CLYBL: variants seen among roughly 807,000 people sequenced by gnomAD.
CLYBL encodes the protein citramalyl-CoA lyase.
In CLYBL, 31 loss-of-function variants were observed where a neutral mutation model predicts 38.9. That is an observed-to-expected ratio of 0.80 (90% CI 0.60 to 1.08). The LOEUF (loss-of-function observed/expected upper bound fraction) is 1.08, where lower values mean the gene tolerates loss of function less well. Among genes scored for constraint, CLYBL ranks in the 50% least tolerant of loss-of-function variants. The pLI, the probability that CLYBL is intolerant of heterozygous loss-of-function variation, is 0.00. For synonymous variants in CLYBL, 171 were observed against 158.6 expected (o/e 1.08, Z -0.59); for missense variants, 434 against 411.6 (o/e 1.05, Z -0.47).
At chr13:99,669,761 G>A (rs1384380519) in intron 1 of CLYBL, among the ~76,000 whole-genome samples, 1 of 152,220 alleles carries the variant, frequency 6.6e-6, no homozygotes, top group African/African-American at 2.4e-5. Flanking sequence ...CTCATGATTA[G>A]TGACAGGGTT....
At chr13:99,837,747 C>T (rs1008687264) in intron 2 of CLYBL, among the ~76,000 whole-genome samples, 1 of 152,144 alleles carries the variant, frequency 6.6e-6, no homozygotes, top group East Asian at 1.9e-4. Flanking sequence ...TGTGCACCAG[C>T]GCAGCAGCTT....
chr13:99,834,749 A>C (rs1460257594), intron 2 of CLYBL, among the ~76,000 whole-genome samples: 1 of 152,174 alleles, frequency 6.6e-6, no homozygotes, highest in East Asian at 1.9e-4. Flanking sequence ...TCTATGGCCC[A>C]GTATTAAAAG....
At chr13:99,691,327 A>G (rs980060637) in intron 1 of CLYBL, among the ~76,000 whole-genome samples, 1 of 152,204 alleles carries the variant, frequency 6.6e-6, no homozygotes, top group African/African-American at 2.4e-5. Context: ...TAAATTAGTT[A>G]CAAACTAATT....
intron 1 of CLYBL, among the ~76,000 whole-genome samples, chr13:99,659,721 C>T (rs1174992984): frequency 1.1e-4 from 17 of 152,056 alleles, no homozygotes; most frequent in Admixed American, 1.1e-3. Context: ...TTTTATTTTC[C>T]CATCATAAGG....
At chr13:99,883,405 G>C (rs1241162420) in intron 7 of CLYBL, among the ~76,000 whole-genome samples, 2 of 151,738 alleles carry the variant, frequency 1.3e-5, no homozygotes, top group Non-Finnish European at 2.9e-5. Flanking sequence ...TGAAATCCCA[G>C]CTACTCAGGA....
At chr13:99,626,729 TTTG>T (rs1333997163) in intron 1 of CLYBL, among the ~76,000 whole-genome samples, 1 of 152,160 alleles carries the variant, frequency 6.6e-6, no homozygotes, top group Non-Finnish European at 1.5e-5. Flanking sequence ...CTGCAGTTAA[TTTG>T]TTAAGAGACC....
At chr13:99,817,697 A>G (rs2050487905) in intron 2 of CLYBL, among the ~76,000 whole-genome samples, 1 of 150,824 alleles carries the variant, frequency 6.6e-6, no homozygotes, top group Non-Finnish European at 1.5e-5. Flanking sequence ...AAAAGCACTG[A>G]GCTAAAGTAA....
rs2046908523 is a variant in CLYBL at position 99,629,077 on chromosome 13, A to G, written c.62+22320A>G. Among the ~76,000 whole-genome samples, 4 of 152,350 alleles carry G rather than the reference A, an allele frequency of 2.6e-5. No homozygotes were observed. In the South Asian group the frequency reaches 8.3e-4, roughly 32 times the overall value. ...CACTGCTGGGGCAGGCGTGTGTGAC[A>G]GGCAGAGAGAGCCCTGGGGTTGGGG... is the stretch of plus-strand genomic sequence containing the variant. On this transcript the variant is annotated intron_variant, in intron 1 of 8. Transcript: ENST00000339105.
intron 1 of CLYBL, among the ~76,000 whole-genome samples, chr13:99,747,763 G>A (rs1004909543): frequency 6.6e-6 from 1 of 152,156 alleles, no homozygotes; most frequent in Non-Finnish European, 1.5e-5. Flanking sequence ...CTTCTGGTCC[G>A]TGTTTGTACA....
chr13:99,898,056 G>A (rs114852325), downstream of CLYBL, among the ~76,000 whole-genome samples: 242 of 152,260 alleles, frequency 1.6e-3, no homozygotes, highest in African/African-American at 5.5e-3. Flanking sequence ...GAGTTGATAC[G>A]CTGAAAACTC....
At chr13:99,730,911 C>T (rs2048578123) in intron 1 of CLYBL, among the ~76,000 whole-genome samples, 1 of 151,572 alleles carries the variant, frequency 6.6e-6, no homozygotes, top group African/African-American at 2.4e-5. Context: ...GGTGAAACCC[C>T]TTCTCTACTA....
intron 7 of CLYBL, among the ~76,000 whole-genome samples, chr13:99,879,397 A>C (rs1236907984): frequency 6.6e-6 from 1 of 152,176 alleles, no homozygotes; most frequent in African/African-American, 2.4e-5. Flanking sequence ...CATCTTTGCT[A>C]CACCTCTTCC....
At chr13:99,870,406 C>G (rs1358415171) in intron 6 of CLYBL, among the ~76,000 whole-genome samples, 1 of 152,088 alleles carries the variant, frequency 6.6e-6, no homozygotes, top group Middle Eastern at 3.2e-3. Flanking sequence ...TATTGTAAAG[C>G]TGTATTTGAT....
At chr13:99,712,565 C>G (rs1204091932) in intron 1 of CLYBL, among the ~76,000 whole-genome samples, 2 of 151,758 alleles carry the variant, frequency 1.3e-5, no homozygotes, top group East Asian at 3.9e-4. Flanking sequence ...CCAGGTTGGT[C>G]TCCAAGTCTG....
chr13:99,695,807 C>T (rs182743737), intron 1 of CLYBL, among the ~76,000 whole-genome samples: 3 of 152,214 alleles, frequency 2.0e-5, no homozygotes, highest in Admixed American at 6.5e-5. Flanking sequence ...AATGAGCCAC[C>T]GTCCCCAGTG....
intron 2 of CLYBL, among the ~76,000 whole-genome samples, chr13:99,858,328 C>T (rs2051509308): frequency 6.6e-6 from 1 of 152,132 alleles, no homozygotes; most frequent in Non-Finnish European, 1.5e-5. Context: ...AATTGAATGT[C>T]AAGATTCAAC....
intron 2 of CLYBL, among the ~76,000 whole-genome samples, chr13:99,816,194 A>G (rs1003039484): frequency 6.6e-6 from 1 of 152,208 alleles, no homozygotes; most frequent in African/African-American, 2.4e-5. Context: ...GGCATAAACA[A>G]CAGTCACCAG....
intron 2 of CLYBL, among the ~76,000 whole-genome samples, chr13:99,855,250 C>T (rs890645769): frequency 2.0e-5 from 3 of 152,196 alleles, no homozygotes; most frequent in Non-Finnish European, 4.4e-5. Context: ...CCCTCTCAAA[C>T]CTCATTTTAA....
At chr13:99,711,942 C>T (rs1333658107) in intron 1 of CLYBL, among the ~76,000 whole-genome samples, 1 of 151,938 alleles carries the variant, frequency 6.6e-6, no homozygotes, top group African/African-American at 2.4e-5. Flanking sequence ...GTCTAGAACT[C>T]CTGACCTCGT....
Sources: gnomAD v4.1 joint callset for allele counts (sites outside exome capture counted in the v4.1 genomes callset) on GRCh38, gnomAD v4.1.1 for gene constraint, MANE v1.5 for transcripts, NCBI Gene and HGNC (gene_info 2026-07-23, HGNC 2026-07-21) for gene names.